NCKAP5: variants seen among roughly 807,000 people sequenced by gnomAD.
The protein encoded by NCKAP5 is nck-associated protein 5.
A neutral mutation model predicts 167.0 loss-of-function variants in NCKAP5; 92 were observed. The observed-to-expected ratio is 0.55, with a 90% CI of 0.47 to 0.66. The LOEUF (loss-of-function observed/expected upper bound fraction) is 0.66, where lower values mean the gene tolerates loss of function less well. NCKAP5 is among the 30% of genes least tolerant of loss of function. The pLI, the probability that NCKAP5 is intolerant of heterozygous loss-of-function variation, is 0.00. For missense variants in NCKAP5, 2,378 were observed against 2,315.0 expected (o/e 1.03, Z -0.56); for synonymous variants, 891 against 877.4 (o/e 1.02, Z -0.27).
At chr2:133,424,103 C>G (rs1220454740) in intron 3 of NCKAP5, among the ~76,000 whole-genome samples, 4 of 152,200 alleles carry the variant, frequency 2.6e-5, no homozygotes, top group Admixed American at 1.3e-4. Flanking sequence ...TAATTAGGGT[C>G]TAAACCTGCT....
intron 2 of NCKAP5, 39 bp downstream of exon 2, chr2:133,559,008 ATGT>A: frequency 6.6e-6 from 1 of 152,070 alleles, no homozygotes; most frequent in African/African-American, 2.4e-5. Context: ...TATTATTAAT[ATGT>A]ATTAATAGTA....
chr2:133,089,923 C>G (rs1429773997), intron 6 of NCKAP5, among the ~76,000 whole-genome samples: 1 of 152,122 alleles, frequency 6.6e-6, no homozygotes, highest in African/African-American at 2.4e-5. Context: ...ACAGAGGAGC[C>G]AAAATCTCAT....
intron 16 of NCKAP5, among the ~76,000 whole-genome samples, chr2:132,734,890 A>G (rs1482658417): frequency 6.6e-6 from 1 of 152,224 alleles, no homozygotes. Flanking sequence ...GTTCATAGCC[A>G]TTCAGGCAGC....
intron 5 of NCKAP5, among the ~76,000 whole-genome samples, chr2:133,135,323 G>C (rs988029378): frequency 6.6e-6 from 1 of 152,152 alleles, no homozygotes; most frequent in Non-Finnish European, 1.5e-5. Context: ...GCCCTTTGTC[G>C]TGTAGGGAGG....
intron 3 of NCKAP5, among the ~76,000 whole-genome samples, chr2:133,469,733 C>A (rs907691517): frequency 2.0e-5 from 3 of 151,590 alleles, no homozygotes; most frequent in African/African-American, 7.3e-5. Context: ...TTTCTCTAAA[C>A]TTCCCTTCTC....
the NCKAP5 span, among the ~76,000 whole-genome samples, chr2:133,631,144 A>G: frequency 2.6e-5 from 4 of 152,232 alleles, no homozygotes; most frequent in Non-Finnish European, 4.4e-5. Flanking sequence ...ATTAAATTTA[A>G]AAAGCAAATA....
chr2:133,635,706 A>G, the NCKAP5 span, among the ~76,000 whole-genome samples: 1 of 152,218 alleles, frequency 6.6e-6, no homozygotes, highest in African/African-American at 2.4e-5. Context: ...GCTACCAAAT[A>G]TACAGTCTTG....
chr2:133,209,761 A>T (rs538884886), intron 5 of NCKAP5, among the ~76,000 whole-genome samples: 26 of 152,292 alleles, frequency 1.7e-4, no homozygotes, highest in African/African-American at 5.5e-4. Flanking sequence ...TGACAATTAC[A>T]TCATAGTTAT....
intron 3 of NCKAP5, among the ~76,000 whole-genome samples, chr2:133,420,516 A>T (rs1689406086): frequency 1.3e-5 from 2 of 152,236 alleles, no homozygotes; most frequent in African/African-American, 2.4e-5. Flanking sequence ...GATGAAAACA[A>T]CCTAAACTGG....
intron 6 of NCKAP5, among the ~76,000 whole-genome samples, chr2:132,997,405 T>C (rs2077635689): frequency 6.6e-6 from 1 of 152,208 alleles, no homozygotes; most frequent in South Asian, 2.1e-4. Flanking sequence ...GTTCCCTATA[T>C]TTTCACAAAT....
At chr2:133,295,927 A>G (rs1679928635) in intron 4 of NCKAP5, among the ~76,000 whole-genome samples, 1 of 152,194 alleles carries the variant, frequency 6.6e-6, no homozygotes, top group South Asian at 2.1e-4. Context: ...GGTTTTTGAT[A>G]AAACTGTCAC....
At position 132,867,085 on chromosome 2, in the gene NCKAP5, A is replaced by T. The variant is rs186940308; in HGVS notation, c.687+1851T>A. Among the ~76,000 whole-genome samples the T allele has an allele frequency of 1.2e-4, 18 of 151,564 alleles. 1 individual carries two copies. In the East Asian group the frequency reaches 3.5e-3, roughly 30 times the overall value. ...TGCTTAATTGTACCAAGGTAGATTT[A>T]TCTGTTTACTAGTTATTACTTGGAT... On this transcript the variant is annotated intron_variant, in intron 10 of 19. Coordinates refer to ENST00000409261, the MANE Select transcript of NCKAP5 (RefSeq NM_207363.3).
intron 19 of NCKAP5, among the ~76,000 whole-genome samples, chr2:132,701,374 G>GA (rs1030490924): frequency 3.3e-5 from 5 of 152,010 alleles, no homozygotes; most frequent in Admixed American, 1.3e-4. Context: ...CATTTCACTT[G>GA]AAAAAAATGG....
At chr2:133,630,323 G>C in the NCKAP5 span, among the ~76,000 whole-genome samples, 1 of 152,156 alleles carries the variant, frequency 6.6e-6, no homozygotes, top group East Asian at 1.9e-4. Context: ...GGGACACAGA[G>C]AGGATAATAA....
At chr2:132,774,030 G>C (rs1682327184) in intron 15 of NCKAP5, 136 bp from the exon 16 acceptor site, 1 of 640,160 alleles carries the variant, frequency 1.6e-6, no homozygotes, top group Admixed American at 3.1e-5. Context: ...ATACATGTGT[G>C]AGTATGTATG....
intron 3 of NCKAP5, among the ~76,000 whole-genome samples, chr2:133,499,764 A>T (rs546178005): frequency 1.3e-5 from 2 of 152,182 alleles, no homozygotes; most frequent in Middle Eastern, 3.4e-3. Flanking sequence ...TTCACCATGT[A>T]GGCCAGACTA....
At chr2:133,228,942 T>C (rs2087017257) in intron 4 of NCKAP5, among the ~76,000 whole-genome samples, 1 of 152,064 alleles carries the variant, frequency 6.6e-6, no homozygotes, top group African/African-American at 2.4e-5. Flanking sequence ...AAGTCAACAA[T>C]GAGAATCTTC....
intron 6 of NCKAP5, among the ~76,000 whole-genome samples, chr2:133,008,178 T>A (rs1181797769): frequency 2.0e-5 from 3 of 152,160 alleles, no homozygotes; most frequent in African/African-American, 7.2e-5. Flanking sequence ...CTTTTCCCAT[T>A]GGGTGTTACT....
intron 4 of NCKAP5, among the ~76,000 whole-genome samples, chr2:133,250,806 T>C (rs895497919): frequency 1.3e-5 from 2 of 152,072 alleles, no homozygotes; most frequent in Non-Finnish European, 2.9e-5. Context: ...GGCACAAACC[T>C]GTAGTCTCAG....
Sources: allele counts gnomAD v4.1 joint callset (sites outside exome capture counted in the v4.1 genomes callset), GRCh38; gene constraint gnomAD v4.1.1; transcripts MANE v1.5; gene names NCBI Gene and HGNC (gene_info 2026-07-23, HGNC 2026-07-21).